Variants in EDIL3 observed in about 807,000 individuals in gnomAD.
EDIL3 encodes the protein EGF-like repeat and discoidin I-like domain-containing protein 3.
In EDIL3, 37 loss-of-function variants were observed where a neutral mutation model predicts 67.4. That is an observed-to-expected ratio of 0.55 (90% CI 0.42 to 0.72). The LOEUF (loss-of-function observed/expected upper bound fraction) is 0.72, where lower values mean the gene tolerates loss of function less well. EDIL3 is among the 30% of genes least tolerant of loss of function. The pLI is 0.00. For missense variants in EDIL3, 527 were observed against 586.3 expected (o/e 0.90, Z 1.04); for synonymous variants, 195 against 196.3 (o/e 0.99, Z 0.05).
chr5:84,242,611 G>A (rs550301663), intron 2 of EDIL3, among the ~76,000 whole-genome samples: 2 of 151,668 alleles, frequency 1.3e-5, no homozygotes, highest in African/African-American at 2.4e-5. Context: ...CAGCCTGGGC[G>A]ACATGGCAAA....
chr5:84,133,483 A>C (rs1748033006), intron 5 of EDIL3, among the ~76,000 whole-genome samples: 2 of 150,590 alleles, frequency 1.3e-5, no homozygotes, highest in African/African-American at 2.4e-5. Context: ...AAAAAAAAAA[A>C]AAAATAGCCA....
intron 9 of EDIL3, among the ~76,000 whole-genome samples, chr5:84,034,702 T>C (rs757409615): frequency 1.3e-5 from 2 of 152,182 alleles, no homozygotes; most frequent in Non-Finnish European, 2.9e-5. Flanking sequence ...CTTGAGGTAA[T>C]GTTGGCTCCA....
intron 2 of EDIL3, among the ~76,000 whole-genome samples, chr5:84,252,972 C>A: frequency 6.6e-6 from 1 of 151,774 alleles, no homozygotes; most frequent in East Asian, 1.9e-4. Context: ...ATTCATAATG[C>A]AATATAAAAA....
chr5:84,250,873 T>C (rs1019262078), intron 2 of EDIL3, among the ~76,000 whole-genome samples: 3 of 152,186 alleles, frequency 2.0e-5, no homozygotes, highest in Non-Finnish European at 4.4e-5. Context: ...CTGAAATGGA[T>C]AGAAGAAACC....
At chr5:84,233,796 C>T (rs2112048082) in intron 2 of EDIL3, among the ~76,000 whole-genome samples, 1 of 152,254 alleles carries the variant, frequency 6.6e-6, no homozygotes, top group East Asian at 1.9e-4. Context: ...TCTCACTCTC[C>T]TTTAGATGTA....
At chr5:84,108,124 AT>A (rs1747495250) in intron 5 of EDIL3, among the ~76,000 whole-genome samples, 1 of 151,668 alleles carries the variant, frequency 6.6e-6, no homozygotes, top group Non-Finnish European at 1.5e-5. Flanking sequence ...CAGTAATTAA[AT>A]GTTTACACTT....
chr5:84,045,328 TGGA>T (rs1273832449), intron 9 of EDIL3, among the ~76,000 whole-genome samples: 1 of 151,994 alleles, frequency 6.6e-6, no homozygotes, highest in Admixed American at 6.6e-5. Flanking sequence ...AAAGCTCAGG[TGGA>T]GAAGAAGTCA....
intron 1 of EDIL3, among the ~76,000 whole-genome samples, chr5:84,283,376 C>T (rs1349322673): frequency 1.3e-5 from 2 of 152,074 alleles, no homozygotes; most frequent in African/African-American, 4.8e-5. Context: ...GCACAATTTT[C>T]TTCACCCTAA....
chr5:84,132,994 T>G (rs899941229), intron 5 of EDIL3, among the ~76,000 whole-genome samples: 1 of 152,108 alleles, frequency 6.6e-6, no homozygotes, highest in Middle Eastern at 3.2e-3. Flanking sequence ...AAATCTGTCT[T>G]ACTTTCCCAA....
intron 9 of EDIL3, among the ~76,000 whole-genome samples, chr5:84,015,500 T>C (rs995217273): frequency 1.3e-5 from 2 of 152,156 alleles, no homozygotes; most frequent in Non-Finnish European, 2.9e-5. Context: ...ATAAAAATAT[T>C]TGATTCCTAA....
At chr5:84,379,861 T>C (rs78356283) in intron 1 of EDIL3, among the ~76,000 whole-genome samples, 1 of 152,202 alleles carries the variant, frequency 6.6e-6, no homozygotes, top group African/African-American at 2.4e-5. Context: ...AGATTCACAT[T>C]TATGACTTGA....
chr5:84,184,640 A>G (rs1317180986), intron 3 of EDIL3, among the ~76,000 whole-genome samples: 1 of 152,150 alleles, frequency 6.6e-6, no homozygotes, highest in Non-Finnish European at 1.5e-5. Flanking sequence ...GGGGAAAAGT[A>G]TTGCTGCATG....
chr5:83,999,891 G>C (rs1286239360), intron 9 of EDIL3, among the ~76,000 whole-genome samples: 2 of 151,816 alleles, frequency 1.3e-5, no homozygotes. Context: ...GATCCTGAAA[G>C]CAGCAAGTGA....
chr5:84,048,305 T>A, intron 9 of EDIL3: 1 of 423,560 alleles, frequency 2.4e-6, no homozygotes, highest in Non-Finnish European at 4.7e-6. Flanking sequence ...GCAAAATAAG[T>A]TAATGCTTTA....
intron 10 of EDIL3, among the ~76,000 whole-genome samples, chr5:83,949,983 G>C (rs1580248329): frequency 6.6e-6 from 1 of 151,820 alleles, no homozygotes; most frequent in East Asian, 1.9e-4. Flanking sequence ...TAGCCATACA[G>C]ATGGTCAACC....
At chr5:84,016,263 T>C (rs1745601553) in intron 9 of EDIL3, among the ~76,000 whole-genome samples, 2 of 152,192 alleles carry the variant, frequency 1.3e-5, no homozygotes, top group South Asian at 4.1e-4. Context: ...TGATGTGGTT[T>C]CTTGCCAAAA....
intron 1 of EDIL3, among the ~76,000 whole-genome samples, chr5:84,338,545 G>T (rs937199071): frequency 3.9e-5 from 6 of 152,044 alleles, no homozygotes; most frequent in African/African-American, 1.4e-4. Context: ...GGACCAAAAG[G>T]GTGGAAATTG....
chr5:84,362,405 G>A (rs1747628428), intron 1 of EDIL3, among the ~76,000 whole-genome samples: 1 of 152,046 alleles, frequency 6.6e-6, no homozygotes, highest in African/African-American at 2.4e-5. Context: ...CAAATAAAAT[G>A]GCTGATTCAT....
intron 4 of EDIL3, among the ~76,000 whole-genome samples, chr5:84,176,542 G>A (rs1748919249): frequency 6.6e-6 from 1 of 151,206 alleles, no homozygotes; most frequent in Non-Finnish European, 1.5e-5. Context: ...ATGGGAAGGA[G>A]TTCTGGGAGT....
Sources: allele counts gnomAD v4.1 joint callset (sites outside exome capture counted in the v4.1 genomes callset), GRCh38; gene constraint gnomAD v4.1.1; transcripts MANE v1.5; gene names NCBI Gene and HGNC (gene_info 2026-07-23, HGNC 2026-07-21).